SPAST: variants seen among roughly 807,000 people sequenced by gnomAD.
SPAST encodes the protein spastic paraplegia 4 (autosomal dominant; spastin).
A neutral mutation model predicts 76.6 loss-of-function variants in SPAST; 30 were observed. That is an observed-to-expected ratio of 0.39 (90% CI 0.29 to 0.53). The LOEUF is 0.53. Among genes scored for constraint, SPAST ranks in the 20% least tolerant of loss-of-function variants. The pLI, the probability that SPAST is intolerant of heterozygous loss-of-function variation, is 0.68. For missense variants in SPAST, 717 were observed against 770.5 expected, an observed-to-expected ratio of 0.93 and a Z score of 0.82; for synonymous variants, 305 against 281.0, an observed-to-expected ratio of 1.09 and a Z score of -0.86.
intron 1 of SPAST, 35 bp downstream of exon 1, chr2:32,064,281 C>CG: frequency 3.1e-6 from 1 of 325,568 alleles, no homozygotes; most frequent in Non-Finnish European, 4.7e-6. Context: ...GCGGCGGCGC[C>CG]GGGAAGAAGG....
intron 6 of SPAST, 32 bp downstream of exon 6, chr2:32,115,867 T>C: frequency 1.3e-6 from 2 of 1,520,860 alleles, no homozygotes; most frequent in South Asian, 1.2e-5. Context: ...TTTTATTTTA[T>C]AGTTTTTATA....
Position 32,143,635 on chromosome 2 carries a change from T to C in SPAST, c.1616+220T>C, listed in dbSNP as rs113051245. 6.9e-3 allele frequency among the ~76,000 whole-genome samples: 1,045 copies of C among 152,332 alleles called. 14 individuals are homozygous for C. Among genetic ancestry groups the C allele is most frequent in the African/African-American group, 0.024 (1,009 of 41,584 alleles). ...TGGCTATGTCCTTTGCAAGACGTGA[T>C]CTAATGATGATAGTATATTCTTTTT... On this transcript the variant is annotated intron_variant, in intron 14 of 16. Coordinates refer to ENST00000315285, the MANE Select transcript of SPAST (RefSeq NM_014946.4).
Position 32,063,703 on chromosome 2 carries a change from C to A in SPAST, c.-129C>A. On this transcript the variant is annotated 5_prime_UTR_variant, in exon 1 of 17. Coordinates refer to ENST00000315285, the MANE Select transcript of SPAST (RefSeq NM_014946.4). ...GGCCGGCGGGCAGCGTGCGGCAGTG[C>A]GGAGCTCCTGAGACCGGCGGGCACA... 2 of 1,278,552 alleles carry A rather than the reference C, an allele frequency of 1.6e-6. No individual in the cohort carries two copies. Among genetic ancestry groups the A allele is most frequent in the Non-Finnish European group, 2.1e-6 (2 of 940,984 alleles). 79.2% of individuals were successfully genotyped at this position (1,278,552 alleles called of 1,614,324 possible).
intron 9 of SPAST, among the ~76,000 whole-genome samples, chr2:32,131,426 G>A (rs758889191): frequency 1.8e-4 from 28 of 152,148 alleles, no homozygotes; most frequent in Non-Finnish European, 3.1e-4. Context: ...CTCCATGCGG[G>A]CAGAGACTAT....
intron 1 of SPAST, among the ~76,000 whole-genome samples, chr2:32,070,413 C>T (rs1676699701): frequency 6.6e-6 from 1 of 152,116 alleles, no homozygotes; most frequent in Non-Finnish European, 1.5e-5. Context: ...CTTAATTTAT[C>T]TGAAACCAAA....
intron 1 of SPAST, among the ~76,000 whole-genome samples, chr2:32,085,877 A>G (rs1677455405): frequency 6.6e-6 from 1 of 151,878 alleles, no homozygotes. Flanking sequence ...CCCCGTCTCT[A>G]CTAAAAATAC....
intron 16 of SPAST, among the ~76,000 whole-genome samples, chr2:32,150,648 G>C (rs1389140643): frequency 6.6e-6 from 1 of 151,762 alleles, no homozygotes; most frequent in African/African-American, 2.4e-5. Context: ...ATGTTGCCTA[G>C]GCTGGTCTCA....
chr2:32,114,888 A>G (rs939165595), intron 5 of SPAST, 63 bp downstream of exon 5: 3 of 1,174,472 alleles, frequency 2.6e-6, no homozygotes, highest in African/African-American at 3.0e-5. Context: ...TTAAGATACT[A>G]TTCCTGCTTA....
chr2:32,110,654 GTATAGTATA>G (rs1158976166), intron 4 of SPAST, among the ~76,000 whole-genome samples: 30 of 134,548 alleles, frequency 2.2e-4, no homozygotes, highest in Admixed American at 4.7e-4. Flanking sequence ...AGTATATATA[GTATAGTATA>G]TATAGTATAT....
intron 5 of SPAST, among the ~76,000 whole-genome samples, 184 bp downstream of exon 5, chr2:32,115,009 C>T (rs1211583199): frequency 1.4e-5 from 2 of 138,992 alleles, no homozygotes; most frequent in African/African-American, 2.7e-5. Context: ...AGTGCAATGG[C>T]GCGATCTCGG....
At chr2:32,110,130 T>G (rs534019394) in intron 4 of SPAST, among the ~76,000 whole-genome samples, 2 of 148,720 alleles carry the variant, frequency 1.3e-5, no homozygotes, top group South Asian at 2.1e-4. Context: ...TTTTTTGTTT[T>G]TTTTTGGAGA....
At chr2:32,090,839 T>A (rs758012556) in intron 3 of SPAST, among the ~76,000 whole-genome samples, 4 of 152,214 alleles carry the variant, frequency 2.6e-5, no homozygotes, top group Non-Finnish European at 5.9e-5. Flanking sequence ...TTGATCACAT[T>A]GAAAGTTGAT....
At chr2:32,106,889 GAA>G (rs770702459) in intron 4 of SPAST, among the ~76,000 whole-genome samples, 1 of 137,030 alleles carries the variant, frequency 7.3e-6, no homozygotes, top group African/African-American at 2.7e-5. Context: ...GGCACTTACT[GAA>G]AAAAAAAAAA....
chr2:32,079,164 A>G (rs1460236163), intron 1 of SPAST, among the ~76,000 whole-genome samples: 1 of 151,988 alleles, frequency 6.6e-6, no homozygotes, highest in Non-Finnish European at 1.5e-5. Flanking sequence ...AATCTGCAAA[A>G]CCTCATAAGT....
chr2:32,121,970 A>G (rs1270426785), intron 7 of SPAST, among the ~76,000 whole-genome samples: 3 of 151,956 alleles, frequency 2.0e-5, no homozygotes, highest in Non-Finnish European at 2.9e-5. Flanking sequence ...AAGCTTTTTC[A>G]TATTGGAAGC....
chr2:32,083,916 C>T (rs928326145), intron 1 of SPAST, among the ~76,000 whole-genome samples: 1 of 149,782 alleles, frequency 6.7e-6, no homozygotes, highest in Admixed American at 6.7e-5. Context: ...GTAGCTGGGA[C>T]TACAGACACA....
At chr2:32,121,037 A>G (rs1005140938) in intron 7 of SPAST, among the ~76,000 whole-genome samples, 6 of 152,152 alleles carry the variant, frequency 3.9e-5, no homozygotes, top group African/African-American at 1.4e-4. Flanking sequence ...TCTTATTTCT[A>G]TTTCCCAAAG....
intron 3 of SPAST, among the ~76,000 whole-genome samples, chr2:32,094,115 T>C (rs916738848): frequency 9.2e-5 from 14 of 152,210 alleles, no homozygotes; most frequent in African/African-American, 3.1e-4. Context: ...TAAACAAATA[T>C]GTTACTATTA....
chr2:32,103,360 C>A (rs958704479), intron 4 of SPAST, among the ~76,000 whole-genome samples: 2 of 151,990 alleles, frequency 1.3e-5, no homozygotes, highest in Non-Finnish European at 2.9e-5. Flanking sequence ...TCTCTCTTTT[C>A]TTCTTTATTA....
Sources: allele counts gnomAD v4.1 joint callset (sites outside exome capture counted in the v4.1 genomes callset), GRCh38; gene constraint gnomAD v4.1.1; transcripts MANE v1.5; gene names NCBI Gene and HGNC (gene_info 2026-07-23, HGNC 2026-07-21).